Variants in TVP23A observed in about 807,000 individuals in gnomAD.
TVP23A encodes Golgi apparatus membrane protein TVP23 homolog A.
In TVP23A, 21 loss-of-function variants were observed where a neutral mutation model predicts 31.7. The observed-to-expected ratio is 0.66, with a 90% confidence interval of 0.47 to 0.95. TVP23A has a LOEUF of 0.95. TVP23A is among the 40% of genes least tolerant of loss of function. The pLI, the probability that TVP23A is intolerant of heterozygous loss-of-function variation, is 0.00. For synonymous variants in TVP23A, 104 were observed against 96.0 expected, an observed-to-expected ratio of 1.08 and a Z score of -0.49; for missense variants, 279 against 255.6, an observed-to-expected ratio of 1.09 and a Z score of -0.62.
intron 2 of TVP23A, among the ~76,000 whole-genome samples, chr16:10,778,677 G>C (rs1048556399): frequency 4.9e-5 from 7 of 143,878 alleles, no homozygotes; most frequent in African/African-American, 1.6e-4. Flanking sequence ...AAAAAAAAAA[G>C]ATAGAGGGTC....
chr16:10,770,308 C>A lies in TVP23A; in HGVS notation c.606G>T (p.Lys202Asn), dbSNP rs138745983. ...GAATCTCCAGCCCCTCGAGGCCAGG[C>A]TTCTGAAAGTCACCTGGGCAGGCCT... ...FQTACPGDFQ[K>N]PGLEGLEIHQ... Residue 202 changes from lysine (K) to asparagine (N), a missense_variant, in exon 7 of 8, where the codon AAG (lysine) becomes AAT (asparagine). Lys to Asn is a moderately conservative substitution (Grantham distance 94, BLOSUM62 0). Coordinates refer to ENST00000299866, the MANE Select transcript of TVP23A (RefSeq NM_001079512.4). 2.8e-4 allele frequency: 432 copies of A among 1,551,266 alleles called. 5 individuals are homozygous for A. In the East Asian group the frequency reaches 9.1e-3, roughly 33 times the overall value.
chr16:10,779,631 A>C lies in TVP23A; in HGVS notation c.90-4535T>G, dbSNP rs2032296922. ...ATCAGGCGGCATATTCTTGTGGCCC[A>C]AAAACGAGATGCAGATGAACTGGGA... On this transcript the variant is annotated intron_variant, in intron 2 of 7. Coordinates refer to ENST00000299866, the MANE Select transcript of TVP23A (RefSeq NM_001079512.4). The surrounding 1 kb of genome is among the most constrained non-coding windows in gnomAD (Gnocchi z 4.9). Among the ~76,000 whole-genome samples, 4 of 152,254 alleles carry C rather than the reference A, an allele frequency of 2.6e-5. No homozygotes were observed. The highest frequency in any genetic ancestry group is 2.6e-4 in the Admixed American group (4 of 15,286).
chr16:10,797,780 G>C (rs916198279), intron 2 of TVP23A, among the ~76,000 whole-genome samples: 6 of 151,858 alleles, frequency 4.0e-5, no homozygotes, highest in Admixed American at 3.3e-4. Flanking sequence ...GAATTGATGT[G>C]ATCTCTGTGG....
chr16:10,759,731 G>A (rs1419816456), downstream of TVP23A, among the ~76,000 whole-genome samples: 9 of 152,176 alleles, frequency 5.9e-5, no homozygotes, highest in East Asian at 9.6e-4. This position sits in a 1 kb window ranked among gnomAD's most constrained non-coding sequence, Gnocchi z 4.7. Context: ...AGCCGAGATC[G>A]CGCCACTGCA....
rs983044484 is a variant in TVP23A at position 10,773,272 on chromosome 16, A to G, written c.453+41T>C. 5.2e-6 allele frequency: 8 copies of G among 1,550,616 alleles called. No individual in the cohort carries two copies. In the African/African-American group the frequency reaches 1.1e-4, roughly 22 times the overall value. On this transcript the variant is annotated intron_variant, in intron 5 of 7. Transcript: ENST00000299866. ...CTAGTGGTGCAAACACTTTTTTTGC[A>G]GAGACATCAAAGCAATGTGGAAGTC...
chr16:10,762,254 G>T (rs2257150), downstream of TVP23A: 14,273 of 169,144 alleles, frequency 0.084, 737 homozygotes, highest in South Asian at 0.18. Flanking sequence ...CCTGTGCCCG[G>T]AGAAGCCAGC....
In TVP23A at chr16:10,773,919, G is replaced by C. The variant is rs2031811574; in HGVS notation, c.324+120C>G. On this transcript the variant is annotated intron_variant, in intron 4 of 7. Coordinates refer to ENST00000299866, the MANE Select transcript of TVP23A (RefSeq NM_001079512.4). Reference sequence around the variant, plus strand: ...ACCCATGTTTCACCAGAGCACCTTGGCAATGGTGGCTTTTGTGTAAGGCAG... The same window carrying C: ...ACCCATGTTTCACCAGAGCACCTTGCCAATGGTGGCTTTTGTGTAAGGCAG... The C allele has an allele frequency of 6.4e-6, 5 of 778,992 alleles. No individual in the cohort carries two copies. The Admixed American group carries it at 1.3e-4, about 20-fold the overall frequency. The allele number at this position is 778,992 out of a possible 1,614,324, so 48.3% of individuals were successfully genotyped here. A position where few individuals can be genotyped will look rare whatever the true frequency, so the allele number is the denominator to read the frequency against.
intron 6 of TVP23A, 31 bp downstream of exon 6, chr16:10,771,639 G>A (rs1192082463): frequency 3.7e-6 from 6 of 1,612,450 alleles, no homozygotes; most frequent in Non-Finnish European, 4.2e-6. Context: ...CTGGAGAGGA[G>A]TGGTCCAAGA....
At position 10,768,963 on chromosome 16, in the gene TVP23A, AAC is replaced by A. The variant is rs1425664303; in HGVS notation, c.*137_*138del. The A allele has an allele frequency of 2.4e-6, 3 of 1,256,792 alleles. No individual in the cohort carries two copies. The highest frequency in any genetic ancestry group is 3.5e-6 in the Non-Finnish European group (3 of 864,216). 77.9% of individuals were successfully genotyped at this position (1,256,792 alleles called of 1,614,324 possible). Reference sequence around the variant, plus strand: ...AGCCAGAGGATTCCACCCCTGTCAAAACACAGCCCTCCCCAGCACAGGACAGG... The same window carrying A: ...AGCCAGAGGATTCCACCCCTGTCAAAACAGCCCTCCCCAGCACAGGACAGG... On this transcript the variant is annotated 3_prime_UTR_variant, in exon 8 of 8. Transcript: ENST00000299866. The surrounding 1 kb of genome is among the most constrained non-coding windows in gnomAD (Gnocchi z 4.3).
In TVP23A at chr16:10,784,192, G is replaced by A. The variant is rs529875537; in HGVS notation, c.90-9096C>T. 3.9e-5 allele frequency among the ~76,000 whole-genome samples: 6 copies of A among 151,996 alleles called. No homozygotes were observed. The South Asian group carries it at 1.2e-3, about 32-fold the overall frequency. The stretch of plus-strand genomic sequence containing the variant: ...CTACTAAAAATACAAACATTAGCCA[G>A]GTGGTGCACACCTGTAATCCCAGCT... On this transcript the variant is annotated intron_variant, in intron 2 of 7. Coordinates refer to ENST00000299866, the MANE Select transcript of TVP23A (RefSeq NM_001079512.4).
At chr16:10,769,138 G>C (rs376901396) in intron 7 of TVP23A, 37 bp from the exon 8 acceptor site, 3 of 1,606,790 alleles carry the variant, frequency 1.9e-6, no homozygotes, top group South Asian at 1.1e-5. Flanking sequence ...AGCAGTTACC[G>C]AGCGAGGCAC....
intron 2 of TVP23A, among the ~76,000 whole-genome samples, chr16:10,811,940 C>T (rs147584133): frequency 2.8e-4 from 40 of 144,086 alleles, no homozygotes; most frequent in African/African-American, 9.5e-4. Context: ...AAAAGGCAAA[C>T]GGAATTACAT....
chr16:10,775,214 C>G (rs749111900), intron 2 of TVP23A, 118 bp from the exon 3 acceptor site: 21 of 1,471,768 alleles, frequency 1.4e-5, no homozygotes, highest in Non-Finnish European at 1.8e-5. Flanking sequence ...AATGTTCTCC[C>G]CGGTGCATAT....
intron 2 of TVP23A, among the ~76,000 whole-genome samples, chr16:10,778,477 A>G (rs984759317): frequency 6.6e-6 from 1 of 152,182 alleles, no homozygotes; most frequent in African/African-American, 2.4e-5. Context: ...CTGGAGATAA[A>G]TAAATGCTCT....
chr16:10,788,423 C>T (rs538063990), intron 2 of TVP23A, among the ~76,000 whole-genome samples: 29 of 151,952 alleles, frequency 1.9e-4, no homozygotes, highest in African/African-American at 6.8e-4. Flanking sequence ...TACAGGCGCC[C>T]GCCACCACAC....
chr16:10,758,695 A>G (rs1307934125), downstream of TVP23A, among the ~76,000 whole-genome samples: 2 of 152,180 alleles, frequency 1.3e-5, no homozygotes, highest in African/African-American at 2.4e-5. Context: ...CAGGTCCCCC[A>G]GCCTACAGTG....
At chr16:10,788,092 A>G (rs756664392) in intron 2 of TVP23A, among the ~76,000 whole-genome samples, 1 of 152,158 alleles carries the variant, frequency 6.6e-6, no homozygotes, top group Non-Finnish European at 1.5e-5. Context: ...GCATCAATCA[A>G]TACATGCAAG....
intron 2 of TVP23A, among the ~76,000 whole-genome samples, chr16:10,792,967 CTT>C (rs1238132712): frequency 2.6e-5 from 4 of 152,268 alleles, no homozygotes; most frequent in South Asian, 4.1e-4. Context: ...GTTTTTTCCT[CTT>C]GTTTCTGTTC....
chr16:10,767,508 T>G lies in TVP23A; in HGVS notation c.*1594A>C. 2.3e-6 allele frequency: 1 copy of G among 435,970 alleles called. No individual in the cohort carries two copies. The highest frequency in any genetic ancestry group is 3.3e-5 in the East Asian group (1 of 29,910). The allele number at this position is 435,970 out of a possible 1,614,324, so 27.0% of individuals were successfully genotyped here. A position where few individuals can be genotyped will look rare whatever the true frequency, so the allele number is the denominator to read the frequency against. ...TGCGCACACATGCAAGTGTGCACATTTATATGCGCATAATCTTTCTGGAAA... is the reference window on the plus strand; with the variant it reads ...TGCGCACACATGCAAGTGTGCACATGTATATGCGCATAATCTTTCTGGAAA... On this transcript the variant is annotated 3_prime_UTR_variant, in exon 8 of 8. Transcript: ENST00000299866. The surrounding 1 kb of genome is among the most constrained non-coding windows in gnomAD (Gnocchi z 4.6).
Sources: gnomAD v4.1 joint callset for allele counts (sites outside exome capture counted in the v4.1 genomes callset) on GRCh38, gnomAD v4.1.1 for gene constraint, Gnocchi (gnomAD v3.1) non-coding constraint, MANE v1.5 for transcripts, NCBI Gene and HGNC (gene_info 2026-07-23, HGNC 2026-07-21) for gene names.